Variants in MAST3 observed in about 807,000 individuals in gnomAD.
The protein encoded by MAST3 is microtubule associated serine/threonine kinase 3.
Under a neutral mutation model 127.0 loss-of-function variants are expected in MAST3, and 43 were observed. That is an observed-to-expected ratio of 0.34 (90% CI 0.27 to 0.44). The LOEUF is 0.44. Among genes scored for constraint, MAST3 ranks in the 20% least tolerant of loss-of-function variants. The pLI is 1.00. For synonymous variants in MAST3, 785 were observed against 809.2 expected (o/e 0.97, Z 0.51); for missense variants, 1,390 against 1,919.1 (o/e 0.72, Z 5.15).
Position 18,147,438 on chromosome 19 carries a change from C to A in MAST3, c.3327-5C>A. On this transcript the variant is annotated splice_polypyrimidine_tract_variant and splice_region_variant and intron_variant, in intron 26 of 27. Coordinates refer to ENST00000687212, the MANE Select transcript of MAST3 (RefSeq NM_001393504.1). ...GTTCTGAAGCCTCCGGTTTTCTTAC[C>A]CCAGGCGGAAGTCACTTTTCAAGAA... 1.2e-6 allele frequency: 2 copies of A among 1,612,968 alleles called. No homozygotes were observed. The highest frequency in any genetic ancestry group is 1.7e-6 in the Non-Finnish European group (2 of 1,179,562).
At chr19:18,147,136 C>T in intron 26 of MAST3, 92 bp downstream of exon 26, 3 of 1,171,894 alleles carry the variant, frequency 2.6e-6, no homozygotes, top group Non-Finnish European at 3.3e-6. Flanking sequence ...CAGAGTCTTG[C>T]TCTGTTGCCC....
chr19:18,100,128 C>CTCTTTTTTTTTTTT (rs776661078), intron 1 of MAST3, among the ~76,000 whole-genome samples: 7 of 121,708 alleles, frequency 5.8e-5, no homozygotes, highest in Admixed American at 1.9e-4. Context: ...CTCTCTCTCT[C>CTCTTTTTTTTTTTT]TTTTTTTTTT....
rs1251686912 is a variant in MAST3, at chr19:18,147,045, G to A, written c.3326+1G>A. The A allele has an allele frequency of 1.3e-6, 2 of 1,550,172 alleles. No individual in the cohort carries two copies. Among genetic ancestry groups the A allele is most frequent in the South Asian group, 1.2e-5 (1 of 84,400 alleles). On this transcript the variant is annotated splice_donor_variant, in intron 26 of 27. Coordinates refer to ENST00000687212, the MANE Select transcript of MAST3 (RefSeq NM_001393504.1). LOFTEE classifies it high-confidence loss of function. The stretch of plus-strand genomic sequence containing the variant: ...GCGCGGCAGTGACCACCAGGGAGCG[G>A]TACACAGGGGGCGGGGCCACGGGGA...
At position 18,121,942 on chromosome 19, in the gene MAST3, G is replaced by A; in HGVS notation, c.320+20G>A. On this transcript the variant is annotated intron_variant, in intron 5 of 27. Coordinates refer to ENST00000687212, the MANE Select transcript of MAST3 (RefSeq NM_001393504.1). ...CCGGAGGTGAGTGATTGCCGGCTTT[G>A]GGAGACAGTGCGGGCACCACGGGCA... is the stretch of plus-strand genomic sequence containing the variant. The A allele has an allele frequency of 1.9e-6, 3 of 1,613,898 alleles. No homozygotes were observed. Among genetic ancestry groups the A allele is most frequent in the Non-Finnish European group, 2.5e-6 (3 of 1,179,876 alleles).
chr19:18,145,208 C>T lies in MAST3; in HGVS notation c.3018C>T (p.Tyr1006=), dbSNP rs1231048556. The change falls in exon 24 of 28, where the codon TAC becomes TAT. Residue 1006 remains tyrosine (Y), a synonymous_variant. Transcript: ENST00000687212. The surrounding 1 kb of genome is among the most constrained non-coding windows in gnomAD (Gnocchi z 5.9). Reference sequence around the variant, plus strand: ...TCTACATGGGTGATAGCGACGTCTACACTGTGCACCACGTCGTCTGGGTGA... The same window carrying T: ...TCTACATGGGTGATAGCGACGTCTATACTGTGCACCACGTCGTCTGGGTGA... ...IRVYMGDSDV[Y]TVHHVVWSVE... 1 of 1,613,820 alleles carries T rather than the reference C, an allele frequency of 6.2e-7. No individual in the cohort carries two copies. Among genetic ancestry groups the T allele is most frequent in the South Asian group, 1.1e-5 (1 of 91,080 alleles).
rs751330359 is a variant in MAST3, at chr19:18,134,647, G to A, written c.1640G>A (p.Ser547Asn). Residue 547 changes from serine to asparagine, a missense_variant, in exon 16 of 28, where the codon AGC becomes AAC. Ser to Asn is a conservative substitution (Grantham distance 46, BLOSUM62 1). This residue lies in a region of MAST3 where 191 missense variants were observed against 409.0 expected (regional missense o/e 0.47). Coordinates refer to ENST00000687212, the MANE Select transcript of MAST3 (RefSeq NM_001393504.1). ...GGCCTGTCCAAGATCGGCCTCATGA[G>A]CATGGCCACCAACCTCTATGAGGGC... is the stretch of plus-strand genomic sequence containing the variant. ...DFGLSKIGLM[S>N]MATNLYEGHI... is the part of the protein sequence containing the mutation. The A allele has an allele frequency of 6.2e-7, 1 of 1,613,494 alleles. No homozygotes were observed. Among genetic ancestry groups the A allele is most frequent in the Non-Finnish European group, 8.5e-7 (1 of 1,179,696 alleles).
rs1031824448 is a variant in MAST3, at chr19:18,146,750, T to G, written c.3163-131T>G. On this transcript the variant is annotated intron_variant, in intron 25 of 27. Coordinates refer to ENST00000687212, the MANE Select transcript of MAST3 (RefSeq NM_001393504.1). ...CGGATATATTGGGTAGGTCACTGGT[T>G]GTGTGGATGAATGGATGCTGGGGTG... is the stretch of plus-strand genomic sequence containing the variant. 3 of 794,954 alleles carry G rather than the reference T, an allele frequency of 3.8e-6. No individual in the cohort carries two copies. The African/African-American group carries it at 5.2e-5, about 14-fold the overall frequency. 49.2% of individuals were successfully genotyped at this position (794,954 alleles called of 1,614,324 possible). A position where few individuals can be genotyped will look rare whatever the true frequency, so the allele number is the denominator to read the frequency against.
chr19:18,100,273 A>C (rs916046092), intron 1 of MAST3, among the ~76,000 whole-genome samples: 1 of 151,780 alleles, frequency 6.6e-6, no homozygotes, highest in Non-Finnish European at 1.5e-5. Context: ...TTACAGGCAC[A>C]TGTCACCACG....
At chr19:18,109,409 G>A (rs2038324837) in intron 2 of MAST3, among the ~76,000 whole-genome samples, 1 of 152,102 alleles carries the variant, frequency 6.6e-6, no homozygotes, top group African/African-American at 2.4e-5. Flanking sequence ...CCCAAGCTGT[G>A]GGCAGAGTGT....
chr19:18,146,118 A>G (rs2042991412), intron 25 of MAST3, among the ~76,000 whole-genome samples: 1 of 152,042 alleles, frequency 6.6e-6, no homozygotes. Context: ...CTCTGGCCTG[A>G]GGCCTGGAGG....
intron 1 of MAST3, among the ~76,000 whole-genome samples, chr19:18,106,467 G>C (rs112188874): frequency 0.22 from 33,474 of 151,904 alleles, 3,731 homozygotes; most frequent in Non-Finnish European, 0.25. Flanking sequence ...TTGATCTCTT[G>C]ACCTTGTGAT....
chr19:18,105,044 G>C (rs181742831), intron 1 of MAST3, among the ~76,000 whole-genome samples: 10 of 152,308 alleles, frequency 6.6e-5, no homozygotes, highest in Admixed American at 3.9e-4. Context: ...TTCTAAACTT[G>C]TGCCACATGG....
chr19:18,125,599 G>A (rs1173741489), intron 11 of MAST3, among the ~76,000 whole-genome samples: 1 of 151,860 alleles, frequency 6.6e-6, no homozygotes, highest in Non-Finnish European at 1.5e-5. Context: ...AAATTAGCCG[G>A]GTGTGGTGGC....
chr19:18,103,605 A>T (rs2037828801), intron 1 of MAST3, among the ~76,000 whole-genome samples: 2 of 152,158 alleles, frequency 1.3e-5, no homozygotes, highest in Non-Finnish European at 2.9e-5. Flanking sequence ...ACTGGTGGTT[A>T]TTATTCACGT....
At chr19:18,119,778 C>A (rs1004119357) in intron 3 of MAST3, among the ~76,000 whole-genome samples, 15 of 152,222 alleles carry the variant, frequency 9.9e-5, no homozygotes, top group African/African-American at 3.6e-4. Context: ...TGGGCCTCTT[C>A]TCCCTGCCCA....
intron 3 of MAST3, among the ~76,000 whole-genome samples, chr19:18,119,314 T>C (rs1389166194): frequency 6.6e-6 from 1 of 151,580 alleles, no homozygotes; most frequent in Non-Finnish European, 1.5e-5. Context: ...GGAGGGAGGG[T>C]GCTGGTGGTG....
chr19:18,133,177 G>A (rs1162312720), intron 15 of MAST3, among the ~76,000 whole-genome samples: 1 of 151,950 alleles, frequency 6.6e-6, no homozygotes, highest in Non-Finnish European at 1.5e-5. Flanking sequence ...ACATGTATGT[G>A]GCACCTGCTG....
At chr19:18,127,660 G>C (rs1236312871) in intron 11 of MAST3, among the ~76,000 whole-genome samples, 1 of 152,062 alleles carries the variant, frequency 6.6e-6, no homozygotes, top group East Asian at 1.9e-4. Flanking sequence ...CTCCAGCCTG[G>C]GCGACAGAGT....
intron 6 of MAST3, 132 bp downstream of exon 6, chr19:18,122,883 C>A: frequency 2.0e-6 from 2 of 1,005,932 alleles, no homozygotes; most frequent in Non-Finnish European, 3.0e-6. Flanking sequence ...CCTCCATGCA[C>A]GCCCCATTCT....
Sources: gnomAD v4.1 joint callset for allele counts (sites outside exome capture counted in the v4.1 genomes callset) on GRCh38, gnomAD v4.1.1 for gene constraint, gnomAD v4.1.1 regional missense constraint, Gnocchi (gnomAD v3.1) non-coding constraint, MANE v1.5 for transcripts, NCBI Gene and HGNC (gene_info 2026-07-23, HGNC 2026-07-21) for gene names.